The following DPYSL2 variants were observed in gnomAD, a reference collection of about 807,000 sequenced individuals.
DPYSL2 encodes dihydropyrimidinase-related protein 2.
In DPYSL2, 13 loss-of-function variants were observed where a neutral mutation model predicts 69.9. The observed-to-expected ratio is 0.19, with a 90% CI of 0.12 to 0.30. The LOEUF is 0.30. Among genes scored for constraint, DPYSL2 ranks in the 10% least tolerant of loss-of-function variants. The pLI is 1.00. For missense variants in DPYSL2, 587 were observed against 918.9 expected (o/e 0.64, Z 4.67); for synonymous variants, 326 against 359.1 (o/e 0.91, Z 1.04).
intron 1 of DPYSL2, among the ~76,000 whole-genome samples, chr8:26,579,516 T>G (rs1464523540): frequency 6.6e-6 from 1 of 152,046 alleles, no homozygotes; most frequent in Non-Finnish European, 1.5e-5. Context: ...TCAGGATGTG[T>G]TTTTAGGGCT....
rs147685724 is a variant in DPYSL2 at position 26,612,264 on chromosome 8, A to G, written c.629-11879A>G. On this transcript the variant is annotated intron_variant, in intron 3 of 13. Coordinates refer to ENST00000521913, the MANE Select transcript of DPYSL2 (RefSeq NM_001197293.3). The stretch of plus-strand genomic sequence containing the variant: ...TTGCTGGTGACAGAGTGAAGAGGTG[A>G]CACATTTGGAACATAATGTGGCCAT... Among the ~76,000 whole-genome samples, 506 of 152,338 alleles carry G rather than the reference A, an allele frequency of 3.3e-3. 2 individuals carry two copies. Among genetic ancestry groups the G allele is most frequent in the African/African-American group, 0.011 (463 of 41,578 alleles).
chr8:26,548,922 C>T (rs1800827174), intron 1 of DPYSL2, among the ~76,000 whole-genome samples: 1 of 151,922 alleles, frequency 6.6e-6, no homozygotes, highest in African/African-American at 2.4e-5. Flanking sequence ...GGCGCAGTGG[C>T]TCACGCCTAT....
At chr8:26,522,067 G>T (rs1338577869) in intron 1 of DPYSL2, among the ~76,000 whole-genome samples, 1 of 152,108 alleles carries the variant, frequency 6.6e-6, no homozygotes, top group Non-Finnish European at 1.5e-5. Flanking sequence ...CAGCACTTTG[G>T]GAGGCCAAGG....
At chr8:26,515,015 G>A (rs959340913) in intron 1 of DPYSL2, among the ~76,000 whole-genome samples, 8 of 152,234 alleles carry the variant, frequency 5.3e-5, no homozygotes, top group African/African-American at 1.7e-4. Flanking sequence ...AACCCTCCCG[G>A]GCGGCTTCCG....
At chr8:26,637,616 A>G (rs971777719) in intron 8 of DPYSL2, 1 of 152,202 alleles carries the variant, frequency 6.6e-6, no homozygotes, top group Admixed American at 6.5e-5. Context: ...CCCAGCAGAG[A>G]TATGGGTAAT....
intron 1 of DPYSL2, among the ~76,000 whole-genome samples, chr8:26,525,567 T>C (rs1808462822): frequency 6.6e-6 from 1 of 152,238 alleles, no homozygotes; most frequent in Admixed American, 6.5e-5. Context: ...TTAAGTTTTG[T>C]CTTTAACTTG....
In DPYSL2 at chr8:26,514,717, G is replaced by A; in HGVS notation, c.354+38G>A. 2 of 1,329,140 alleles carry A rather than the reference G, an allele frequency of 1.5e-6. No homozygotes were observed. Among genetic ancestry groups the A allele is most frequent in the African/African-American group, 1.6e-5 (1 of 64,390 alleles). 82.3% of individuals were successfully genotyped at this position (1,329,140 alleles called of 1,614,324 possible). ...GTTGGGGGTGGAGACGGAGGACGGGGCGCGGGGATCGCCCCTCCCTCGCCC... is the reference window on the plus strand; with the variant it reads ...GTTGGGGGTGGAGACGGAGGACGGGACGCGGGGATCGCCCCTCCCTCGCCC... On this transcript the variant is annotated intron_variant, in intron 1 of 13. Coordinates refer to ENST00000521913, the MANE Select transcript of DPYSL2 (RefSeq NM_001197293.3). The surrounding 1 kb of genome is among the most constrained non-coding windows in gnomAD (Gnocchi z 8.4).
intron 1 of DPYSL2, among the ~76,000 whole-genome samples, chr8:26,568,191 C>T (rs1801182505): frequency 1.3e-5 from 2 of 152,098 alleles, no homozygotes; most frequent in Admixed American, 1.3e-4. Flanking sequence ...TGGAAGTGCC[C>T]AGAAGCTGGA....
In DPYSL2 at chr8:26,560,521, A is replaced by T. The variant is rs1424043045; in HGVS notation, c.355-21448A>T. On this transcript the variant is annotated intron_variant, in intron 1 of 13. Coordinates refer to ENST00000521913, the MANE Select transcript of DPYSL2 (RefSeq NM_001197293.3). This position sits in a 1 kb window ranked among gnomAD's most constrained non-coding sequence, Gnocchi z 4.4. ...CCACAGCTCACAGCTCACAGCTCAC[A>T]GCCAGGCTCTGTGGGCTGCACCCCA... Among the ~76,000 whole-genome samples, 2 of 152,026 alleles carry T rather than the reference A, an allele frequency of 1.3e-5. No individual in the cohort carries two copies. The highest frequency in any genetic ancestry group is 2.4e-5 in the African/African-American group (1 of 41,420).
rs1314588624 is a variant in DPYSL2 at position 26,565,764 on chromosome 8, AG to A, written c.355-16203del. Among the ~76,000 whole-genome samples the A allele has an allele frequency of 6.6e-6, 1 of 152,208 alleles. No homozygotes were observed. Among genetic ancestry groups the A allele is most frequent in the African/African-American group, 2.4e-5 (1 of 41,460 alleles). On this transcript the variant is annotated intron_variant, in intron 1 of 13. Transcript: ENST00000521913. The surrounding 1 kb of genome is among the most constrained non-coding windows in gnomAD (Gnocchi z 4.1). The stretch of plus-strand genomic sequence containing the variant: ...GTGTTTCTGTTGAGTGGGCAGAGAA[AG>A]GTACAGGGTCCCCGCTCCATGCAAT...
chr8:26,601,363 TTTTTTG>T (rs1226796766), intron 3 of DPYSL2, among the ~76,000 whole-genome samples: 3 of 151,766 alleles, frequency 2.0e-5, no homozygotes, highest in East Asian at 3.9e-4. Flanking sequence ...GGCCCTCTCT[TTTTTTG>T]TTTTTGTTTT....
At chr8:26,521,098 T>C (rs994594895) in intron 1 of DPYSL2, among the ~76,000 whole-genome samples, 4 of 152,100 alleles carry the variant, frequency 2.6e-5, no homozygotes, top group Non-Finnish European at 5.9e-5. Context: ...ATGAAACTAA[T>C]GAAAGAGTCA....
chr8:26,576,748 T>C (rs1412680064), intron 1 of DPYSL2, among the ~76,000 whole-genome samples: 1 of 152,258 alleles, frequency 6.6e-6, no homozygotes, highest in African/African-American at 2.4e-5. Context: ...TTCCCTTTCC[T>C]GTGGGATATA....
chr8:26,616,924 G>A (rs1263695426), intron 3 of DPYSL2, among the ~76,000 whole-genome samples: 1 of 151,658 alleles, frequency 6.6e-6, no homozygotes, highest in Non-Finnish European at 1.5e-5. Flanking sequence ...GGGCAGGGTG[G>A]AGGGTTACAC....
intron 1 of DPYSL2, 123 bp from the exon 2 acceptor site, chr8:26,581,846 C>A: frequency 1.3e-6 from 1 of 764,132 alleles, no homozygotes; most frequent in Admixed American, 2.2e-5. Context: ...TGAACCTTTC[C>A]AAAATGGGCT....
rs71501512 is a variant in DPYSL2 at position 26,556,339 on chromosome 8, GTA to G, written c.355-25619_355-25618del. On this transcript the variant is annotated intron_variant, in intron 1 of 13. Coordinates refer to ENST00000521913, the MANE Select transcript of DPYSL2 (RefSeq NM_001197293.3). ...ATACTATATATATAGTATATATATAGTATATATATATAGTATATATATATAGT... is the reference window on the plus strand; with the variant it reads ...ATACTATATATATAGTATATATATAGTATATATATAGTATATATATATAGT... Among the ~76,000 whole-genome samples the G allele has an allele frequency of 7.5e-3, 43 of 5,760 alleles. 4 individuals carry two copies. The highest frequency in any genetic ancestry group is 0.011 in the Non-Finnish European group (23 of 2,164). The allele number at this position is 5,760 out of a possible 152,430, so 3.8% of individuals were successfully genotyped here.
Position 26,626,515 on chromosome 8 carries a change from AC to A in DPYSL2, c.794-101del. 1 of 918,932 alleles carries A rather than the reference AC, an allele frequency of 1.1e-6. No individual in the cohort carries two copies. Among genetic ancestry groups the A allele is most frequent in the Non-Finnish European group, 1.7e-6 (1 of 582,420 alleles). The allele number at this position is 918,932 out of a possible 1,614,324, so 56.9% of individuals were successfully genotyped here. ...CACACACACACACACACACACACAC[AC>A]ACACACGTACACACACAGACAGTAT... On this transcript the variant is annotated intron_variant, in intron 4 of 13. Coordinates refer to ENST00000521913, the MANE Select transcript of DPYSL2 (RefSeq NM_001197293.3). This position sits in a 1 kb window ranked among gnomAD's most constrained non-coding sequence, Gnocchi z 4.3.
Position 26,562,545 on chromosome 8 carries a change from G to A in DPYSL2, c.355-19424G>A, listed in dbSNP as rs756127445. Among the ~76,000 whole-genome samples the A allele has an allele frequency of 1.3e-5, 2 of 152,116 alleles. No individual in the cohort carries two copies. Among genetic ancestry groups the A allele is most frequent in the Non-Finnish European group, 2.9e-5 (2 of 68,026 alleles). On this transcript the variant is annotated intron_variant, in intron 1 of 13. Coordinates refer to ENST00000521913, the MANE Select transcript of DPYSL2 (RefSeq NM_001197293.3). This position sits in a 1 kb window ranked among gnomAD's most constrained non-coding sequence, Gnocchi z 4.9. ...GTATTGGTCAGATTTTGTTGTTCCC[G>A]ATTAGAATGCTTAAATGGTTTCGTT...
intron 1 of DPYSL2, among the ~76,000 whole-genome samples, chr8:26,527,290 G>A (rs1444702521): frequency 6.6e-6 from 1 of 152,146 alleles, no homozygotes; most frequent in Non-Finnish European, 1.5e-5. Flanking sequence ...ATATTCTCTG[G>A]TATTTTATTT....
Sources: allele counts gnomAD v4.1 joint callset (sites outside exome capture counted in the v4.1 genomes callset), GRCh38; gene constraint gnomAD v4.1.1; non-coding constraint Gnocchi (gnomAD v3.1); transcripts MANE v1.5; gene names NCBI Gene and HGNC (gene_info 2026-07-23, HGNC 2026-07-21).